The following ARL17A variants were observed in gnomAD, a reference collection of about 807,000 sequenced individuals.
ARL17A encodes ADP-ribosylation factor-like 17-like.
downstream of ARL17A, chr17:46,512,816 A>G: frequency 1.4e-6 from 1 of 708,574 alleles, no homozygotes; most frequent in Non-Finnish European, 2.2e-6. Context: ...CTACTAGTTA[A>G]GGAGGCTCAG....
chr17:46,575,654 T>C (rs1444033533), intron 2 of ARL17A, among the ~76,000 whole-genome samples: 2 of 91,714 alleles, frequency 2.2e-5, no homozygotes, highest in African/African-American at 4.6e-5. Context: ...GTCTCCCTTG[T>C]GAACCTAAGA....
Sources: allele counts gnomAD v4.1 joint callset (sites outside exome capture counted in the v4.1 genomes callset), GRCh38; gene constraint gnomAD v4.1.1; transcripts MANE v1.5; gene names NCBI Gene and HGNC (gene_info 2026-07-23, HGNC 2026-07-21).